CTNND2: variants seen among roughly 807,000 people sequenced by gnomAD.
CTNND2 encodes catenin delta 2.
In CTNND2, 22 loss-of-function variants were observed where a neutral mutation model predicts 144.4. The ratio of observed to expected loss-of-function variants is 0.15; its 90% CI spans 0.11 to 0.22. The LOEUF (loss-of-function observed/expected upper bound fraction) is 0.22, where lower values mean the gene tolerates loss of function less well. Ranked by LOEUF, CTNND2 falls within the 10% of genes least tolerant of loss-of-function variation. CTNND2 has a pLI of 1.00. For synonymous variants in CTNND2, 751 were observed against 695.6 expected, an observed-to-expected ratio of 1.08 and a Z score of -1.25; for missense variants, 1,353 against 1,618.8, an observed-to-expected ratio of 0.84 and a Z score of 2.82.
rs927856295 is a variant in CTNND2 at position 11,465,684 on chromosome 5, A to C, written c.288-53615T>G. Among the ~76,000 whole-genome samples, 5 of 152,204 alleles carry C rather than the reference A, an allele frequency of 3.3e-5. No homozygotes were observed. The East Asian group carries it at 9.6e-4, about 29-fold the overall frequency. On this transcript the variant is annotated intron_variant, in intron 3 of 21. Coordinates refer to ENST00000304623, the MANE Select transcript of CTNND2 (RefSeq NM_001332.4). Reference sequence around the variant, plus strand: ...CCCTTCCAAAAGGGCACAGACCCTGAAAATATTAAAACCATCATGGTGACT... The same window carrying C: ...CCCTTCCAAAAGGGCACAGACCCTGCAAATATTAAAACCATCATGGTGACT...
intron 3 of CTNND2, among the ~76,000 whole-genome samples, chr5:11,546,397 A>C (rs1775237688): frequency 6.6e-6 from 1 of 152,140 alleles, no homozygotes; most frequent in South Asian, 2.1e-4. Flanking sequence ...TTATCAGTAC[A>C]AAAAGACAAA....
chr5:11,713,946 A>G (rs1786189606), intron 2 of CTNND2, among the ~76,000 whole-genome samples: 1 of 152,008 alleles, frequency 6.6e-6, no homozygotes, highest in African/African-American at 2.4e-5. Flanking sequence ...GGGGGGCGGG[A>G]CTCTGAGGAC....
intron 12 of CTNND2, among the ~76,000 whole-genome samples, chr5:11,148,676 G>A (rs1561384753): frequency 6.6e-6 from 1 of 152,202 alleles, no homozygotes; most frequent in Non-Finnish European, 1.5e-5. Context: ...GTCCCCTTCT[G>A]TCCCCGTGGG....
intron 2 of CTNND2, among the ~76,000 whole-genome samples, chr5:11,623,531 A>T (rs1196448784): frequency 6.6e-6 from 1 of 151,778 alleles, no homozygotes; most frequent in Non-Finnish European, 1.5e-5. Context: ...TTTCTTTATA[A>T]ATTACCCAGT....
intron 1 of CTNND2, among the ~76,000 whole-genome samples, chr5:11,893,483 A>G (rs767678297): frequency 6.6e-6 from 1 of 152,344 alleles, no homozygotes; most frequent in East Asian, 1.9e-4. Flanking sequence ...ATCAATAAAC[A>G]GTGGACTCGC....
chr5:11,586,097 G>A (rs1385063471), intron 2 of CTNND2, among the ~76,000 whole-genome samples: 2 of 152,060 alleles, frequency 1.3e-5, no homozygotes, highest in Non-Finnish European at 2.9e-5. Context: ...ATTTTCATAG[G>A]ATTCCTTTGC....
chr5:11,465,302 CTTTT>C (rs538279094), intron 3 of CTNND2, among the ~76,000 whole-genome samples: 1 of 139,406 alleles, frequency 7.2e-6, no homozygotes, highest in Non-Finnish European at 1.6e-5. Context: ...CAAAACTGAA[CTTTT>C]TTTTTTTTTT....
At chr5:11,292,686 G>A (rs1208269042) in intron 9 of CTNND2, among the ~76,000 whole-genome samples, 2 of 152,162 alleles carry the variant, frequency 1.3e-5, no homozygotes, top group African/African-American at 4.8e-5. Context: ...GCAGAACTGT[G>A]AGTCCATTAA....
intron 9 of CTNND2, among the ~76,000 whole-genome samples, chr5:11,240,288 CAA>C (rs1561074639): frequency 1.6e-4 from 19 of 118,988 alleles, no homozygotes; most frequent in African/African-American, 4.2e-4. Flanking sequence ...CACACACACT[CAA>C]ACACACACCC....
At chr5:11,437,555 G>A (rs1763878322) in intron 3 of CTNND2, among the ~76,000 whole-genome samples, 1 of 152,188 alleles carries the variant, frequency 6.6e-6, no homozygotes, top group Non-Finnish European at 1.5e-5. Context: ...GAAGACTGAG[G>A]GGAGTAAATA....
intron 1 of CTNND2, among the ~76,000 whole-genome samples, chr5:11,899,706 T>G (rs184846130): frequency 2.0e-5 from 3 of 152,354 alleles, no homozygotes; most frequent in African/African-American, 4.8e-5. Context: ...TACAAGCCAC[T>G]TATCCATGCT....
chr5:11,139,338 T>C (rs1756472063), intron 12 of CTNND2, among the ~76,000 whole-genome samples: 1 of 152,228 alleles, frequency 6.6e-6, no homozygotes, highest in African/African-American at 2.4e-5. Context: ...CATCCCAGCA[T>C]ACTGCGTGTT....
chr5:11,139,135 A>AT (rs1206494082), intron 12 of CTNND2, among the ~76,000 whole-genome samples: 1 of 151,944 alleles, frequency 6.6e-6, no homozygotes, highest in East Asian at 1.9e-4. Context: ...TAATTTTTGT[A>AT]TTTTTACTAG....
At chr5:11,050,140 T>C (rs1745682118) in intron 16 of CTNND2, among the ~76,000 whole-genome samples, 1 of 152,226 alleles carries the variant, frequency 6.6e-6, no homozygotes, top group African/African-American at 2.4e-5. Context: ...CTTCCCTTTC[T>C]ACCAATTTCT....
At chr5:11,469,085 A>G (rs1023938039) in intron 3 of CTNND2, among the ~76,000 whole-genome samples, 9 of 152,094 alleles carry the variant, frequency 5.9e-5, no homozygotes, top group Non-Finnish European at 1.2e-4. Context: ...TGCTCTGCTG[A>G]TCTCAAACAA....
intron 1 of CTNND2, among the ~76,000 whole-genome samples, chr5:11,842,411 A>C (rs1269552253): frequency 3.8e-4 from 58 of 152,172 alleles, no homozygotes; most frequent in Admixed American, 3.8e-3. Flanking sequence ...GTAGCAACAT[A>C]TACTGGACAA....
intron 15 of CTNND2, chr5:11,083,969 G>A (rs1382015975): frequency 9.2e-7 from 1 of 1,091,032 alleles, no homozygotes; most frequent in Non-Finnish European, 1.1e-6. Context: ...CATGAAATAT[G>A]AAATCAAAAA....
At chr5:11,860,188 C>A (rs1795438329) in intron 1 of CTNND2, among the ~76,000 whole-genome samples, 1 of 152,178 alleles carries the variant, frequency 6.6e-6, no homozygotes, top group Non-Finnish European at 1.5e-5. Context: ...ATGATGAATT[C>A]ATCTATTGAG....
At chr5:11,239,720 T>G (rs1487749425) in intron 9 of CTNND2, among the ~76,000 whole-genome samples, 1 of 152,134 alleles carries the variant, frequency 6.6e-6, no homozygotes, top group Admixed American at 6.5e-5. Context: ...CCTCTGCTCC[T>G]GTCCTCCTGT....
Sources: allele counts gnomAD v4.1 joint callset (sites outside exome capture counted in the v4.1 genomes callset), GRCh38; gene constraint gnomAD v4.1.1; transcripts MANE v1.5; gene names NCBI Gene and HGNC (gene_info 2026-07-23, HGNC 2026-07-21).